ACOT9: variants seen among roughly 807,000 people sequenced by gnomAD.
The protein encoded by ACOT9 is acyl-CoA thioesterase 9.
ACOT9 carries 34 observed loss-of-function variants against 39.7 expected under a neutral mutation model. That is an observed-to-expected ratio of 0.86 (90% CI 0.65 to 1.14). ACOT9 has a LOEUF of 1.14. Among genes scored for constraint, ACOT9 ranks in the 50% most tolerant of loss-of-function variants. The pLI, the probability that ACOT9 is intolerant of heterozygous loss-of-function variation, is 0.00. For missense variants in ACOT9, 313 were observed against 344.1 expected, an observed-to-expected ratio of 0.91 and a Z score of 0.71; for synonymous variants, 110 against 120.5, an observed-to-expected ratio of 0.91 and a Z score of 0.57.
At chrX:23,732,599 T>G (rs1329333902) in intron 4 of ACOT9, among the ~76,000 whole-genome samples, 1 of 111,862 alleles carries the variant, frequency 8.9e-6, no homozygotes, top group Non-Finnish European at 1.9e-5. Context: ...CAACAATAGA[T>G]TATTATATAT....
chrX:23,722,278 A>G (rs946263384), intron 7 of ACOT9, among the ~76,000 whole-genome samples: 2 of 111,852 alleles, frequency 1.8e-5, no homozygotes, highest in Admixed American at 9.6e-5. Context: ...AATTCCCCAT[A>G]AAGGGCTAGG....
At chrX:23,741,393 C>A (rs907093809) in intron 1 of ACOT9, among the ~76,000 whole-genome samples, 1 of 109,626 alleles carries the variant, frequency 9.1e-6, no homozygotes, top group African/African-American at 3.3e-5. Flanking sequence ...CATGGCCTAC[C>A]TGGGGAGTCA....
intron 8 of ACOT9, among the ~76,000 whole-genome samples, chrX:23,715,379 A>T (rs1360968721): frequency 9.0e-6 from 1 of 110,768 alleles, no homozygotes; most frequent in East Asian, 2.8e-4. Context: ...CCCCTCCCCC[A>T]TCCCTATTCC....
intron 6 of ACOT9, among the ~76,000 whole-genome samples, chrX:23,727,885 G>A (rs2146844825): frequency 1.9e-5 from 2 of 107,353 alleles, no homozygotes; most frequent in African/African-American, 6.8e-5. Flanking sequence ...TGTAATCCCA[G>A]CTGTTCAGGA....
intron 4 of ACOT9, among the ~76,000 whole-genome samples, chrX:23,732,028 C>G (rs1929774053): frequency 9.0e-6 from 1 of 111,370 alleles, no homozygotes; most frequent in Admixed American, 9.7e-5. Context: ...TAAATGACAC[C>G]AGTAAATCCA....
intron 8 of ACOT9, among the ~76,000 whole-genome samples, chrX:23,719,864 T>C (rs1382872274): frequency 2.8e-5 from 3 of 106,433 alleles, no homozygotes; most frequent in African/African-American, 6.9e-5. Flanking sequence ...TGAGACGGAG[T>C]CTCGCTCTGT....
intron 3 of ACOT9, among the ~76,000 whole-genome samples, chrX:23,734,111 A>T (rs1237983969): frequency 8.9e-6 from 1 of 111,956 alleles, no homozygotes; most frequent in Admixed American, 9.6e-5. Context: ...TAGTTCAGAG[A>T]CTAATACTAA....
Position 23,706,684 on chromosome X carries a change from G to C in ACOT9, c.786C>G (p.Pro262=), listed in dbSNP as rs1928700921. The C allele has an allele frequency of 8.3e-7, 1 of 1,207,523 alleles. No homozygotes were observed. The highest frequency in any genetic ancestry group is 1.1e-6 in the Non-Finnish European group (1 of 893,643). Residue 262 remains proline (P), a synonymous_variant, in exon 11 of 16, where the codon CCC becomes CCG. Coordinates refer to ENST00000379303, the MANE Select transcript of ACOT9 (RefSeq NM_001037171.2). Reference sequence around the variant, plus strand: ...GTATGGTGGTCCTCTCCTCAGCGCTGGGGGCCATTTTCAGTAACGACGTGG... The same window carrying C: ...GTATGGTGGTCCTCTCCTCAGCGCTCGGGGCCATTTTCAGTAACGACGTGG... ...FSSTSLLKMA[P]SAEERTTIHE...
chrX:23,721,157 C>T (rs1017873245), intron 8 of ACOT9, among the ~76,000 whole-genome samples: 1 of 110,830 alleles, frequency 9.0e-6, no homozygotes, highest in Non-Finnish European at 1.9e-5. Flanking sequence ...GTGGCGCAAT[C>T]TCAGCTCACT....
chrX:23,741,590 C>G (rs889931455), intron 1 of ACOT9, among the ~76,000 whole-genome samples: 1 of 112,177 alleles, frequency 8.9e-6, no homozygotes, highest in Non-Finnish European at 1.9e-5. Flanking sequence ...AGGTTGCCCA[C>G]CAGTCAAAGA....
At position 23,731,133 on chromosome X, in the gene ACOT9, C is replaced by A. The variant is rs1000396176; in HGVS notation, c.192-147G>T. On this transcript the variant is annotated intron_variant, in intron 4 of 15. Transcript: ENST00000379303. ...TTCTCTTCCTTCCCTCCCTTCCCAC[C>A]TGCCACTTGGTGAAATTGATCATTT... The A allele has an allele frequency of 4.1e-5, 18 of 434,881 alleles. No homozygotes were observed. In the African/African-American group the frequency reaches 4.5e-4, roughly 11 times the overall value. The allele number at this position is 434,881 out of a possible 1,213,427, so 35.8% of individuals were successfully genotyped here. A position where few individuals can be genotyped will look rare whatever the true frequency, so the allele number is the denominator to read the frequency against.
intron 9 of ACOT9, 85 bp downstream of exon 9, chrX:23,713,050 A>G (rs1208901267): frequency 7.6e-6 from 6 of 784,344 alleles, no homozygotes; most frequent in Non-Finnish European, 1.1e-5. Flanking sequence ...TGATAGGTAT[A>G]TGGACATTCA....
intron 11 of ACOT9, 49 bp from the exon 12 acceptor site, chrX:23,705,907 G>C: frequency 9.8e-7 from 1 of 1,017,090 alleles, no homozygotes. Flanking sequence ...TGGTTCTCTT[G>C]TTGAAAAGTA....
chrX:23,743,210 G>C lies in ACOT9; in HGVS notation c.-66C>G. The C allele has an allele frequency of 1.8e-6, 2 of 1,124,509 alleles. No homozygotes were observed. The highest frequency in any genetic ancestry group is 2.1e-5 in the South Asian group (1 of 48,532). 92.7% of individuals were successfully genotyped at this position (1,124,509 alleles called of 1,213,427 possible). A position where few individuals can be genotyped will look rare whatever the true frequency, so the allele number is the denominator to read the frequency against. On this transcript the variant is annotated 5_prime_UTR_variant, in exon 1 of 16. Transcript: ENST00000379303. ...GCGCGCTAGTCGGCGGAGGGAAACT[G>C]AGGCGATAAAAGACGCACGAGTACC...
At chrX:23,731,065 T>C (rs958410939) in intron 4 of ACOT9, 79 bp from the exon 5 acceptor site, 1 of 873,285 alleles carries the variant, frequency 1.1e-6, no homozygotes, top group African/African-American at 2.0e-5. Flanking sequence ...GCCAGTAAGA[T>C]ACCATCAAAG....
At chrX:23,742,989 G>A (rs1920995624) in intron 1 of ACOT9, 136 bp downstream of exon 1, 4 of 779,434 alleles carry the variant, frequency 5.1e-6, no homozygotes, top group Middle Eastern at 3.1e-4. Context: ...TACAGTGGGC[G>A]AGCGCCCCTT....
rs1391472375 is a variant in ACOT9 at position 23,721,949 on chromosome X, T to C, written c.520A>G (p.Ile174Val). ...CAGCTAACATGGCCACTGAACTTAA[T>C]GTCCTGTTCTGGGCTCAAGCTCTTC... ...CKKSLSPEQD[I>V]KFSGHVSWVG... is the part of the protein sequence containing the mutation. Residue 174 changes from isoleucine to valine, a missense_variant, in exon 8 of 16, where the codon ATT becomes GTT. Physicochemically the swap from Ile to Val is conservative, Grantham distance 29. Coordinates refer to ENST00000379303, the MANE Select transcript of ACOT9 (RefSeq NM_001037171.2). The C allele has an allele frequency of 1.7e-6, 2 of 1,210,752 alleles. No homozygotes were observed. The highest frequency in any genetic ancestry group is 2.2e-6 in the Non-Finnish European group (2 of 894,886).
chrX:23,722,453 A>C (rs1220211882), intron 7 of ACOT9, among the ~76,000 whole-genome samples: 1 of 109,716 alleles, frequency 9.1e-6, no homozygotes, highest in African/African-American at 3.3e-5. Context: ...AATCTCAGCT[A>C]CTCGGGAGGC....
At chrX:23,714,709 C>T (rs182633142) in intron 8 of ACOT9, among the ~76,000 whole-genome samples, 5 of 110,883 alleles carry the variant, frequency 4.5e-5, no homozygotes, top group African/African-American at 3.3e-5. Flanking sequence ...ACTGCAGTCT[C>T]GACCTCATGG....
Sources: gnomAD v4.1 joint callset for allele counts (sites outside exome capture counted in the v4.1 genomes callset) on GRCh38, gnomAD v4.1.1 for gene constraint, MANE v1.5 for transcripts, NCBI Gene and HGNC (gene_info 2026-07-23, HGNC 2026-07-21) for gene names.